The following HNRNPUL2 variants were observed in gnomAD, a reference collection of about 807,000 sequenced individuals.
HNRNPUL2 encodes the protein heterogeneous nuclear ribonucleoprotein U-like protein 2.
HNRNPUL2 carries 27 observed loss-of-function variants against 102.2 expected under a neutral mutation model. That is an observed-to-expected ratio of 0.26 (90% CI 0.19 to 0.36). The LOEUF (loss-of-function observed/expected upper bound fraction) is 0.36. Among genes scored for constraint, HNRNPUL2 ranks in the 10% least tolerant of loss-of-function variants. The pLI, the probability that HNRNPUL2 is intolerant of heterozygous loss-of-function variation, is 1.00. For synonymous variants in HNRNPUL2, 458 were observed against 387.2 expected, an observed-to-expected ratio of 1.18 and a Z score of -2.15; for missense variants, 936 against 981.1, an observed-to-expected ratio of 0.95 and a Z score of 0.61.
Position 62,717,164 on chromosome 11 carries a change from G to A in HNRNPUL2, c.1806C>T (p.Cys602=), listed in dbSNP as rs760222315. The A allele has an allele frequency of 6.1e-5, 99 of 1,613,692 alleles. No individual in the cohort carries two copies. The highest frequency in any genetic ancestry group is 3.2e-4 in the Admixed American group (19 of 59,980). Residue 602 remains cysteine, a synonymous_variant, in exon 11 of 14, where the codon TGC becomes TGT. Transcript: ENST00000301785. ...CATATGTCACCTCATCCATATAGTCGCATTTTTCAGGCAAAGAGAAGTTGG... is the reference window on the plus strand; with the variant it reads ...CATATGTCACCTCATCCATATAGTCACATTTTTCAGGCAAAGAGAAGTTGG... ...MKANFSLPEK[C]DYMDEVTYGE...
rs146869412 is a variant in HNRNPUL2 at position 62,719,221 on chromosome 11, G to A, written c.1780+802C>T. 7.7e-4 allele frequency among the ~76,000 whole-genome samples: 118 copies of A among 152,258 alleles called. 1 individual carries two copies. Among genetic ancestry groups the A allele is most frequent in the Non-Finnish European group, 1.5e-3 (103 of 68,020 alleles). ...TCTAAGCACTTTAGGAGACCAAGGC[G>A]GGCAAATCACCTGAAGTCAGGAGTT... On this transcript the variant is annotated intron_variant, in intron 10 of 13. Coordinates refer to ENST00000301785, the MANE Select transcript of HNRNPUL2 (RefSeq NM_001079559.3).
chr11:62,724,829 A>G (rs1007632210), intron 1 of HNRNPUL2, among the ~76,000 whole-genome samples: 7 of 152,236 alleles, frequency 4.6e-5, no homozygotes, highest in Admixed American at 1.3e-4. Context: ...CAGTTAGTAC[A>G]TATTTTGTAA....
chr11:62,717,583 T>C lies in HNRNPUL2; in HGVS notation c.1781-394A>G, dbSNP rs768210174. Among the ~76,000 whole-genome samples, 10 of 152,292 alleles carry C rather than the reference T, an allele frequency of 6.6e-5. 1 individual carries two copies. In the East Asian group the frequency reaches 1.9e-3, roughly 29 times the overall value. ...AAAGAGACTCAGAGATGGCCGGGCA[T>C]GGTGGCTCACGCCTGTAATCCCAGC... On this transcript the variant is annotated intron_variant, in intron 10 of 13. Coordinates refer to ENST00000301785, the MANE Select transcript of HNRNPUL2 (RefSeq NM_001079559.3).
At chr11:62,723,855 C>A in intron 3 of HNRNPUL2, 59 bp downstream of exon 3, 1 of 1,600,526 alleles carries the variant, frequency 6.2e-7, no homozygotes, top group East Asian at 2.2e-5. Context: ...AAGTTTTAAT[C>A]TCCAAAATCA....
Position 62,727,300 on chromosome 11 carries a change from G to A in HNRNPUL2, c.-144C>T, listed in dbSNP as rs887070068. Reference sequence around the variant, plus strand: ...CGCGCGAGCGAGCGCACGCACGCAGGAGCGGAGGCCGCGCACGGTCCCGCT... The same window carrying A: ...CGCGCGAGCGAGCGCACGCACGCAGAAGCGGAGGCCGCGCACGGTCCCGCT... On this transcript the variant is annotated 5_prime_UTR_variant, in exon 1 of 14. Coordinates refer to ENST00000301785, the MANE Select transcript of HNRNPUL2 (RefSeq NM_001079559.3). 190 of 1,050,240 alleles carry A rather than the reference G, an allele frequency of 1.8e-4. No individual in the cohort carries two copies. The African/African-American group carries it at 2.7e-3, about 15-fold the overall frequency. The allele number at this position is 1,050,240 out of a possible 1,614,324, so 65.1% of individuals were successfully genotyped here.
At chr11:62,718,272 CTCTG>C (rs1166430684) in intron 10 of HNRNPUL2, among the ~76,000 whole-genome samples, 3 of 152,038 alleles carry the variant, frequency 2.0e-5, no homozygotes, top group Admixed American at 6.5e-5. Flanking sequence ...AGACATTACT[CTCTG>C]TCTTATGTAT....
chr11:62,726,748 C>T lies in HNRNPUL2; in HGVS notation c.409G>A (p.Gly137Arg), dbSNP rs769716329. The change falls in exon 1 of 14, where the codon GGG becomes AGG. Residue 137 changes from glycine to arginine, a missense_variant. This residue lies in a region of HNRNPUL2 where 327 missense variants were observed against 268.1 expected (regional missense o/e 1.22). Transcript: ENST00000301785. Reference protein sequence around the residue: ...ASEKPAEATAGSGGVNGGEEQ... With the variant: ...ASEKPAEATARSGGVNGGEEQ... ...TCGCCACCATTTACCCCGCCTGACCCGGCCGTGGCCTCCGCCGGCTTCTCG... is the reference window on the plus strand; with the variant it reads ...TCGCCACCATTTACCCCGCCTGACCTGGCCGTGGCCTCCGCCGGCTTCTCG... The T allele has an allele frequency of 4.4e-6, 7 of 1,601,072 alleles. No individual in the cohort carries two copies. Among genetic ancestry groups the T allele is most frequent in the East Asian group, 2.2e-5 (1 of 44,852 alleles).
At chr11:62,721,742 T>G in intron 8 of HNRNPUL2, 78 bp downstream of exon 8, 1 of 1,484,322 alleles carries the variant, frequency 6.7e-7, no homozygotes, top group Non-Finnish European at 9.3e-7. Flanking sequence ...CTCAGACACT[T>G]GAGACTAATT....
Position 62,721,971 on chromosome 11 carries a change from G to A in HNRNPUL2, c.1360-29C>T, listed in dbSNP as rs780087872. 9.9e-6 allele frequency: 16 copies of A among 1,611,088 alleles called. No individual in the cohort carries two copies. In the East Asian group the frequency reaches 3.1e-4, roughly 31 times the overall value. ...CAAAAAACAGAACCAGAAATATAAT[G>A]AAAAATAAATGAGGGTCATGTTTAT... On this transcript the variant is annotated intron_variant, in intron 7 of 13. Transcript: ENST00000301785.
chr11:62,720,014 G>A lies in HNRNPUL2; in HGVS notation c.1780+9C>T, dbSNP rs1188587799. The A allele has an allele frequency of 1.9e-6, 3 of 1,613,132 alleles. No homozygotes were observed. The highest frequency in any genetic ancestry group is 2.7e-5 in the African/African-American group (2 of 75,020). On this transcript the variant is annotated intron_variant, in intron 10 of 13. Transcript: ENST00000301785. ...GTTATAGCAGCAGAAAATGGACTAA[G>A]ACACCCACCTTTCATCTCCAGCATT...
At chr11:62,717,242 G>A in intron 10 of HNRNPUL2, 53 bp from the exon 11 acceptor site, 2 of 1,353,738 alleles carry the variant, frequency 1.5e-6, no homozygotes, top group South Asian at 1.2e-5. Flanking sequence ...AGATGGGTAA[G>A]AACTCATTAT....
chr11:62,716,046 G>A (rs997104936), intron 11 of HNRNPUL2, 109 bp from the exon 12 acceptor site: 1 of 736,744 alleles, frequency 1.4e-6, no homozygotes, highest in Non-Finnish European at 2.2e-6. Flanking sequence ...GGGAATATGA[G>A]GCCTGCTTCG....
In HNRNPUL2 at chr11:62,723,127, C is replaced by A. The variant is rs570704678; in HGVS notation, c.892-224G>T. ...TTTTACCTACCTGCACTAATAAAAG[C>A]CTGATTGGACAGAAGTCCAGTATAC... On this transcript the variant is annotated intron_variant, in intron 4 of 13. Coordinates refer to ENST00000301785, the MANE Select transcript of HNRNPUL2 (RefSeq NM_001079559.3). 4.6e-5 allele frequency among the ~76,000 whole-genome samples: 7 copies of A among 152,282 alleles called. No individual in the cohort carries two copies. In the Middle Eastern group the frequency reaches 0.02, roughly 444 times the overall value.
At chr11:62,720,546 CAAAAAAAAAAAA>C (rs148876571) in intron 9 of HNRNPUL2, among the ~76,000 whole-genome samples, 9 of 131,520 alleles carry the variant, frequency 6.8e-5, no homozygotes, top group African/African-American at 2.9e-4. Context: ...GATTCCATCT[CAAAAAAAAAAAA>C]AAAAAAAAAA....
At position 62,715,269 on chromosome 11, in the gene HNRNPUL2, C is replaced by A. The variant is rs1486625784; in HGVS notation, c.*30G>T. ...CCTGGCACCCCCAGAGATTCAGCTT[C>A]ATGGCTGACAGGTGACCATGGCAGG... On this transcript the variant is annotated 3_prime_UTR_variant, in exon 14 of 14. Transcript: ENST00000301785. 6.3e-7 allele frequency: 1 copy of A among 1,575,054 alleles called. No homozygotes were observed. The highest frequency in any genetic ancestry group is 8.7e-7 in the Non-Finnish European group (1 of 1,151,678).
Position 62,715,080 on chromosome 11 carries a change from T to G in HNRNPUL2, c.*219A>C. On this transcript the variant is annotated 3_prime_UTR_variant, in exon 14 of 14. Transcript: ENST00000301785. ...AAATGTTTTATAGAATAAGACAATATTCTTTTCAACAAACTTTAAAAAAAA... is the reference window on the plus strand; with the variant it reads ...AAATGTTTTATAGAATAAGACAATAGTCTTTTCAACAAACTTTAAAAAAAA... 1.8e-6 allele frequency: 1 copy of G among 554,032 alleles called. No individual in the cohort carries two copies. The highest frequency in any genetic ancestry group is 3.2e-6 in the Non-Finnish European group (1 of 310,952). The allele number at this position is 554,032 out of a possible 1,614,324, so 34.3% of individuals were successfully genotyped here. A position where few individuals can be genotyped will look rare whatever the true frequency, so the allele number is the denominator to read the frequency against.
rs1358908580 is a variant in HNRNPUL2 at position 62,726,781 on chromosome 11, C to G, written c.376G>C (p.Asp126His). ...AAAMEAAAEP[D>H]ASEKPAEATA... is the part of the protein sequence containing the mutation. ...GCCTCCGCCGGCTTCTCGGAAGCATCTGGCTCGGCCGCGGCCTCCATGGCT... is the reference window on the plus strand; with the variant it reads ...GCCTCCGCCGGCTTCTCGGAAGCATGTGGCTCGGCCGCGGCCTCCATGGCT... The change falls in exon 1 of 14, where the codon GAT becomes CAT. Residue 126 changes from aspartate (D) to histidine (H), a missense_variant. Around this residue, in one of 2 missense-constraint regions of HNRNPUL2, gnomAD observed 327 missense variants for 268.1 expected, o/e 1.22. Transcript: ENST00000301785. The G allele has an allele frequency of 3.1e-6, 5 of 1,600,078 alleles. No homozygotes were observed. The highest frequency in any genetic ancestry group is 4.2e-6 in the Non-Finnish European group (5 of 1,179,214).
In HNRNPUL2 at chr11:62,726,894, G is replaced by T; in HGVS notation, c.263C>A (p.Ala88Glu). The T allele has an allele frequency of 6.4e-7, 1 of 1,566,264 alleles. No individual in the cohort carries two copies. The highest frequency in any genetic ancestry group is 1.1e-5 in the South Asian group (1 of 87,078). ...CTCCTCGTCCTCGTCCTCAAGCAGC[G>T]CCTCCTCGTCCTCCTCCTCCTCCTC... ...DEEEEEEDEE[A>E]LLEDEDEEPP... is the part of the protein sequence containing the mutation. The change falls in exon 1 of 14, where the codon GCG (alanine) becomes GAG (glutamate). Residue 88 changes from alanine to glutamate, a missense_variant. Coordinates refer to ENST00000301785, the MANE Select transcript of HNRNPUL2 (RefSeq NM_001079559.3).
In HNRNPUL2 at chr11:62,720,163, C is replaced by T. The variant is rs1309484829; in HGVS notation, c.1640G>A (p.Arg547Gln). 9 of 1,614,024 alleles carry T rather than the reference C, an allele frequency of 5.6e-6. No individual in the cohort carries two copies. The highest frequency in any genetic ancestry group is 7.6e-6 in the Non-Finnish European group (9 of 1,179,940). The change falls in exon 10 of 14, where the codon CGG becomes CAG. Residue 547 changes from arginine (R) to glutamine (Q), a missense_variant. Coordinates refer to ENST00000301785, the MANE Select transcript of HNRNPUL2 (RefSeq NM_001079559.3). Reference sequence around the variant, plus strand: ...GAAGGTCTTGAACAGCAATAGCTTCCGCCGTTGGCCAGAATTGTACACATT... The same window carrying T: ...GAAGGTCTTGAACAGCAATAGCTTCTGCCGTTGGCCAGAATTGTACACATT... ...QCNVYNSGQRRKLLLFKTFSR... is the reference protein window; with the variant it reads ...QCNVYNSGQRQKLLLFKTFSR...
Sources: gnomAD v4.1 joint callset for allele counts (sites outside exome capture counted in the v4.1 genomes callset) on GRCh38, gnomAD v4.1.1 for gene constraint, gnomAD v4.1.1 regional missense constraint, MANE v1.5 for transcripts, NCBI Gene and HGNC (gene_info 2026-07-23, HGNC 2026-07-21) for gene names.